Variants in MRPS9 observed in about 807,000 individuals in gnomAD.
The protein encoded by MRPS9 is mitochondrial ribosomal protein S9.
Under a neutral mutation model 59.9 loss-of-function variants are expected in MRPS9, and 45 were observed. That is an observed-to-expected ratio of 0.75 (90% confidence interval 0.59 to 0.96). The LOEUF is 0.96. MRPS9 is among the 40% of genes least tolerant of loss of function. The pLI is 0.00. For synonymous variants in MRPS9, 171 were observed against 166.8 expected (o/e 1.03, Z -0.19); for missense variants, 473 against 481.1 (o/e 0.98, Z 0.16).
chr2:105,048,231 T>C (rs1164856454), intron 1 of MRPS9, among the ~76,000 whole-genome samples: 4 of 151,956 alleles, frequency 2.6e-5, no homozygotes, highest in African/African-American at 9.7e-5. Context: ...AAATCATCAT[T>C]CTCAGTAAAC....
intron 1 of MRPS9, among the ~76,000 whole-genome samples, chr2:105,042,990 C>T (rs997830968): frequency 6.6e-6 from 1 of 151,768 alleles, no homozygotes; most frequent in Non-Finnish European, 1.5e-5. Context: ...TAATGTAAAC[C>T]CCAGACATTC....
At chr2:105,066,395 G>T (rs1472897364) in intron 2 of MRPS9, among the ~76,000 whole-genome samples, 1 of 152,062 alleles carries the variant, frequency 6.6e-6, no homozygotes, top group Non-Finnish European at 1.5e-5. Flanking sequence ...TTCTTTGTTG[G>T]CTTGTTTTTG....
chr2:105,097,246 G>C lies in MRPS9; in HGVS notation c.1021G>C (p.Ala341Pro). The C allele has an allele frequency of 6.2e-7, 1 of 1,613,268 alleles. No individual in the cohort carries two copies. The highest frequency in any genetic ancestry group is 1.1e-5 in the South Asian group (1 of 90,914). Reference sequence around the variant, plus strand: ...CTCAGGGGGCGGGAGGTCAGCGCAGGCTGGAGCAATACGACTGGCAATGGC... The same window carrying C: ...CTCAGGGGGCGGGAGGTCAGCGCAGCCTGGAGCAATACGACTGGCAATGGC... ...TVSGGGRSAQ[A>P]GAIRLAMAKA... The change falls in exon 10 of 11, where the codon GCT (alanine) becomes CCT (proline). Residue 341 changes from alanine to proline, a missense_variant. Transcript: ENST00000258455.
intron 1 of MRPS9, among the ~76,000 whole-genome samples, chr2:105,047,195 T>C (rs1679608854): frequency 6.6e-6 from 1 of 151,994 alleles, no homozygotes; most frequent in South Asian, 2.1e-4. Flanking sequence ...CACAAAGCAT[T>C]GTGAGAAACG....
intron 10 of MRPS9, chr2:105,098,054 G>C (rs1230749073): frequency 6.6e-6 from 1 of 152,150 alleles, no homozygotes; most frequent in Non-Finnish European, 1.5e-5. Flanking sequence ...TGGGTATTTT[G>C]TTTTTGTAAG....
At chr2:105,051,993 A>G (rs1011198753) in intron 2 of MRPS9, among the ~76,000 whole-genome samples, 3 of 152,210 alleles carry the variant, frequency 2.0e-5, no homozygotes, top group Admixed American at 6.5e-5. Flanking sequence ...AGGGTATAGC[A>G]GGATATCCCA....
intron 1 of MRPS9, among the ~76,000 whole-genome samples, chr2:105,045,428 G>A (rs532258973): frequency 1.3e-5 from 2 of 150,656 alleles, no homozygotes; most frequent in Admixed American, 1.3e-4. Context: ...TGACAAGACC[G>A]AATAGCTGTT....
intron 5 of MRPS9, among the ~76,000 whole-genome samples, chr2:105,081,325 G>C (rs908238619): frequency 3.3e-5 from 5 of 152,230 alleles, no homozygotes; most frequent in Admixed American, 1.3e-4. Context: ...TACACGGATG[G>C]GTTGCACGCA....
At chr2:105,038,886 G>C (rs978588151) in intron 1 of MRPS9, among the ~76,000 whole-genome samples, 2 of 152,312 alleles carry the variant, frequency 1.3e-5, no homozygotes, top group South Asian at 2.1e-4. Context: ...TATGTTTTTA[G>C]GCATCTGGGA....
intron 4 of MRPS9, 87 bp from the exon 5 acceptor site, chr2:105,079,896 T>A (rs1019448722): frequency 1.3e-6 from 1 of 756,866 alleles, no homozygotes; most frequent in Admixed American, 2.6e-5. Context: ...CAATTATAAA[T>A]GTGTCTCATA....
chr2:105,062,599 A>G (rs1679927400), intron 2 of MRPS9, among the ~76,000 whole-genome samples: 1 of 152,254 alleles, frequency 6.6e-6, no homozygotes, highest in African/African-American at 2.4e-5. Context: ...ATAACATTAC[A>G]TTACAGACTT....
intron 4 of MRPS9, among the ~76,000 whole-genome samples, chr2:105,074,677 A>G (rs780513338): frequency 6.6e-6 from 1 of 152,246 alleles, no homozygotes; most frequent in South Asian, 2.1e-4. Context: ...GAAATAGTTG[A>G]GCCAGAATGT....
intron 2 of MRPS9, 46 bp downstream of exon 2, chr2:105,049,396 A>C (rs762046926): frequency 1.3e-6 from 2 of 1,526,034 alleles, no homozygotes; most frequent in Non-Finnish European, 1.8e-6. Flanking sequence ...GTAGAGTTTT[A>C]GATATTAAAA....
At chr2:105,088,109 CAA>C (rs374505636) in intron 5 of MRPS9, among the ~76,000 whole-genome samples, 64 of 88,162 alleles carry the variant, frequency 7.3e-4, no homozygotes, top group African/African-American at 7.0e-4. Flanking sequence ...TCATGATTAG[CAA>C]AAAAAAAAAA....
At chr2:105,050,149 C>CT (rs752963319) in intron 2 of MRPS9, among the ~76,000 whole-genome samples, 1 of 150,660 alleles carries the variant, frequency 6.6e-6, no homozygotes. Flanking sequence ...CTTTTCTTTT[C>CT]TTTTTTTTGA....
chr2:105,042,352 T>C (rs2104436705), intron 1 of MRPS9, among the ~76,000 whole-genome samples: 1 of 152,344 alleles, frequency 6.6e-6, no homozygotes, highest in East Asian at 1.9e-4. Flanking sequence ...GCCAGAGCCC[T>C]CCCTCAGCTC....
At chr2:105,079,939 C>G (rs752880498) in intron 4 of MRPS9, 44 bp from the exon 5 acceptor site, 1 of 1,434,490 alleles carries the variant, frequency 7.0e-7, no homozygotes, top group Non-Finnish European at 9.8e-7. Flanking sequence ...TGGTCTGTCT[C>G]TGTGTATATT....
At chr2:105,079,118 G>C (rs576001589) in intron 4 of MRPS9, among the ~76,000 whole-genome samples, 1 of 152,146 alleles carries the variant, frequency 6.6e-6, no homozygotes, top group Non-Finnish European at 1.5e-5. Context: ...TCATGCTGCC[G>C]TAGAGGAAAA....
At chr2:105,056,681 CTT>C (rs1226720014) in intron 2 of MRPS9, among the ~76,000 whole-genome samples, 1 of 152,150 alleles carries the variant, frequency 6.6e-6, no homozygotes, top group Non-Finnish European at 1.5e-5. Context: ...AGTTTTACAA[CTT>C]TACTTCAGAG....
Sources: gnomAD v4.1 joint callset for allele counts (sites outside exome capture counted in the v4.1 genomes callset) on GRCh38, gnomAD v4.1.1 for gene constraint, MANE v1.5 for transcripts, NCBI Gene and HGNC (gene_info 2026-07-23, HGNC 2026-07-21) for gene names.